Variants in MACF1 observed in about 807,000 individuals in gnomAD.
The protein encoded by MACF1 is microtubule-actin cross-linking factor 1.
In MACF1, 193 loss-of-function variants were observed where a neutral mutation model predicts 854.8. The ratio of observed to expected loss-of-function variants is 0.23; its 90% CI spans 0.20 to 0.25. The LOEUF (loss-of-function observed/expected upper bound fraction) is 0.25. Among genes scored for constraint, MACF1 ranks in the 10% least tolerant of loss-of-function variants. The pLI is 1.00. For synonymous variants in MACF1, 3,185 were observed against 3,226.7 expected (o/e 0.99, Z 0.44); for missense variants, 7,722 against 8,929.1 (o/e 0.86, Z 5.45).
intron 97 of MACF1, among the ~76,000 whole-genome samples, chr1:39,473,569 C>A (rs570762494): frequency 6.6e-6 from 1 of 152,350 alleles, no homozygotes; most frequent in South Asian, 2.1e-4. Flanking sequence ...GTGAGCCCCA[C>A]TGGCCACTGA....
intron 1 of MACF1, among the ~76,000 whole-genome samples, chr1:39,208,720 G>A (rs1205318159): frequency 6.6e-6 from 1 of 152,130 alleles, no homozygotes; most frequent in East Asian, 1.9e-4. Flanking sequence ...CGCCTCCCGG[G>A]TTCAAGCGAT....
At chr1:39,246,699 G>A (rs1294543170) in intron 2 of MACF1, among the ~76,000 whole-genome samples, 3 of 151,774 alleles carry the variant, frequency 2.0e-5, no homozygotes, top group Admixed American at 1.3e-4. Flanking sequence ...TAGTAGACAC[G>A]GGGTTTCACC....
intron 1 of MACF1, among the ~76,000 whole-genome samples, chr1:39,216,028 A>G (rs945069599): frequency 5.9e-5 from 9 of 152,118 alleles, no homozygotes; most frequent in African/African-American, 1.9e-4. Context: ...TATTTAAGTA[A>G]TGTCCTGTGG....
At chr1:39,393,652 T>TA (rs971052709) in intron 58 of MACF1, among the ~76,000 whole-genome samples, 5 of 151,698 alleles carry the variant, frequency 3.3e-5, no homozygotes, top group African/African-American at 1.2e-4. Flanking sequence ...CTATAAAAAA[T>TA]AAATAAATTA....
intron 26 of MACF1, among the ~76,000 whole-genome samples, chr1:39,312,541 C>G (rs150828654): frequency 2.0e-5 from 3 of 152,090 alleles, no homozygotes; most frequent in Non-Finnish European, 4.4e-5. Context: ...AACATTGATA[C>G]GGGTTGAGTG....
chr1:39,310,931 G>A lies in MACF1; in HGVS notation c.3201G>A (p.Gln1067=), dbSNP rs1279067420. The change falls in exon 26 of 101, where the codon CAG becomes CAA. Residue 1067 remains glutamine (Q), a synonymous_variant. Coordinates refer to ENST00000564288, the MANE Select transcript of MACF1 (RefSeq NM_001394062.1). ...EYEQRVVKRI[Q]SLASSRTDRD... is the part of the protein sequence containing the mutation. ...AACAGAGGGTGGTCAAACGAATTCA[G>A]TCTCTAGCCAGCTCTAGGACTGACA... The A allele has an allele frequency of 3.7e-6, 6 of 1,614,094 alleles. No homozygotes were observed. Among genetic ancestry groups the A allele is most frequent in the Admixed American group, 1.7e-5 (1 of 60,012 alleles).
At chr1:39,430,957 G>A (rs1643867402) in intron 66 of MACF1, 49 bp downstream of exon 66, 1 of 1,479,168 alleles carries the variant, frequency 6.8e-7, no homozygotes, top group Non-Finnish European at 9.4e-7. Context: ...GTATTGATGT[G>A]TGAGATACAG....
At chr1:39,469,640 T>G in intron 97 of MACF1, 25 bp downstream of exon 97, 1 of 1,529,676 alleles carries the variant, frequency 6.5e-7, no homozygotes, top group South Asian at 1.2e-5. Flanking sequence ...TTTGTCCCTC[T>G]TCCTCACACC....
intron 6 of MACF1, among the ~76,000 whole-genome samples, chr1:39,270,255 A>G (rs1278258458): frequency 2.6e-5 from 4 of 152,184 alleles, no homozygotes; most frequent in Non-Finnish European, 4.4e-5. Flanking sequence ...CAGTATTTGT[A>G]TAGGTGGAGA....
Position 39,116,170 on chromosome 1 carries a change from G to A in MACF1, c.220+31732G>A, listed in dbSNP as rs544424513. 5.9e-4 allele frequency among the ~76,000 whole-genome samples: 90 copies of A among 152,298 alleles called. 2 individuals are homozygous for A. The highest frequency in any genetic ancestry group is 1.2e-3 in the South Asian group (6 of 4,826). ...GGAAGATATAATACAATTCAAAGAC[G>A]GGGAGAAAAATTGATGGAGCATGGG... is the stretch of plus-strand genomic sequence containing the variant. On this transcript the variant is annotated intron_variant, in intron 2 of 93. Coordinates refer to the MACF1 transcript ENST00000361689.
chr1:39,459,701 G>A (rs1265688623), intron 91 of MACF1: 9 of 510,830 alleles, frequency 1.8e-5, no homozygotes, highest in Admixed American at 3.8e-5. Context: ...TTGATCATGA[G>A]AAGCAACTCT....
In MACF1 at chr1:39,122,765, A is replaced by G. The variant is rs1261641219; in HGVS notation, c.220+38327A>G. ...TTTGGAGAAATGATGAGAGTAAATAACCCATAGTTTCCAGTTTATTCCAGA... is the reference window on the plus strand; with the variant it reads ...TTTGGAGAAATGATGAGAGTAAATAGCCCATAGTTTCCAGTTTATTCCAGA... On this transcript the variant is annotated intron_variant, in intron 2 of 93. Transcript: ENST00000361689. 2.0e-5 allele frequency among the ~76,000 whole-genome samples: 3 copies of G among 152,074 alleles called. No individual in the cohort carries two copies. In the East Asian group the frequency reaches 5.8e-4, roughly 29 times the overall value.
At chr1:39,301,118 TA>T (rs1232003792) in intron 22 of MACF1, among the ~76,000 whole-genome samples, 2 of 152,166 alleles carry the variant, frequency 1.3e-5, no homozygotes, top group African/African-American at 4.8e-5. Flanking sequence ...TTTTTAATTT[TA>T]ATTTTATTTA....
At chr1:39,190,422 T>TTTC (rs1644240921) in intron 2 of MACF1, among the ~76,000 whole-genome samples, 4 of 111,668 alleles carry the variant, frequency 3.6e-5, no homozygotes, top group Non-Finnish European at 6.9e-5. Context: ...TTTTTTTTGA[T>TTTC]GGAATCTTGC....
chr1:39,309,303 G>T lies in MACF1; in HGVS notation c.2790-267G>T, dbSNP rs140746926. On this transcript the variant is annotated intron_variant, in intron 23 of 100. Coordinates refer to ENST00000564288, the MANE Select transcript of MACF1 (RefSeq NM_001394062.1). Reference sequence around the variant, plus strand: ...AATAGAGATGAGGTCTCACTATGTCGCCCAGGCTGCTCTTGAACTCTTGGG... The same window carrying T: ...AATAGAGATGAGGTCTCACTATGTCTCCCAGGCTGCTCTTGAACTCTTGGG... Among the ~76,000 whole-genome samples the T allele has an allele frequency of 4.1e-4, 61 of 150,148 alleles. 1 individual carries two copies. In the Middle Eastern group the frequency reaches 0.02, roughly 50 times the overall value.
intron 2 of MACF1, among the ~76,000 whole-genome samples, chr1:39,154,784 G>A (rs1455997799): frequency 6.6e-6 from 1 of 151,968 alleles, no homozygotes; most frequent in East Asian, 1.9e-4. Context: ...CCACATCTCA[G>A]GCACTGTAGT....
chr1:39,210,619 GACTGGTCACTTACT>G (rs1644503583), intron 1 of MACF1, among the ~76,000 whole-genome samples: 4 of 152,100 alleles, frequency 2.6e-5, no homozygotes. Flanking sequence ...TTACATGTTG[GACTGGTCACTTACT>G]TCCTCTGGTC....
At chr1:39,448,866 G>A in intron 84 of MACF1, 103 bp downstream of exon 84, 1 of 855,232 alleles carries the variant, frequency 1.2e-6, no homozygotes, top group Non-Finnish European at 1.7e-6. Flanking sequence ...ATCAGTAAGA[G>A]GTTTTGTACC....
chr1:39,190,150 A>G (rs1423597874), intron 2 of MACF1, among the ~76,000 whole-genome samples: 1 of 152,202 alleles, frequency 6.6e-6, no homozygotes, highest in Admixed American at 6.5e-5. Context: ...TGGTTTATCA[A>G]AGGTTAACCA....
Sources: allele counts gnomAD v4.1 joint callset (sites outside exome capture counted in the v4.1 genomes callset), GRCh38; gene constraint gnomAD v4.1.1; transcripts MANE v1.5; gene names NCBI Gene and HGNC (gene_info 2026-07-23, HGNC 2026-07-21).